DGKZ: variants seen among roughly 807,000 people sequenced by gnomAD.
DGKZ encodes DAG kinase zeta.
In DGKZ, 45 loss-of-function variants were observed where a neutral mutation model predicts 142.5. That is an observed-to-expected ratio of 0.32 (90% confidence interval 0.25 to 0.40). DGKZ has a LOEUF of 0.40. DGKZ is among the 10% of genes least tolerant of loss of function. DGKZ has a pLI of 1.00. For missense variants in DGKZ, 755 were observed against 1,306.5 expected (o/e 0.58, Z 6.51); for synonymous variants, 442 against 527.0 (o/e 0.84, Z 2.21).
chr11:46,377,496 C>G, intron 25 of DGKZ: 1 of 478,998 alleles, frequency 2.1e-6, no homozygotes, highest in East Asian at 3.6e-5. Flanking sequence ...CCCACCCCTA[C>G]TGCCACCAGC....
chr11:46,366,422 C>T (rs1174299492), intron 1 of DGKZ: 1 of 1,540,236 alleles, frequency 6.5e-7, no homozygotes, highest in Admixed American at 2.0e-5. Flanking sequence ...CAGCGCCCAG[C>T]TCCAGGGCTG....
At chr11:46,353,566 G>A (rs1941663290) in intron 1 of DGKZ, among the ~76,000 whole-genome samples, 1 of 152,224 alleles carries the variant, frequency 6.6e-6, no homozygotes, top group African/African-American at 2.4e-5. Flanking sequence ...CTGGCGTGGA[G>A]GACAAGTCTG....
At chr11:46,339,983 G>GGAGC (rs1940197595) in intron 1 of DGKZ, among the ~76,000 whole-genome samples, 1 of 152,236 alleles carries the variant, frequency 6.6e-6, no homozygotes, top group Admixed American at 6.5e-5. Context: ...TCGGCCTATA[G>GGAGC]ATGCCTGGAA....
chr11:46,345,193 C>T, upstream of DGKZ: 1 of 1,199,866 alleles, frequency 8.3e-7, no homozygotes, highest in Non-Finnish European at 1.1e-6. This position sits in a 1 kb window ranked among gnomAD's most constrained non-coding sequence, Gnocchi z 4.1. Context: ...AAGCAAGCCC[C>T]ATGGCTGCCT....
exon 1 of DGKZ, chr11:46,333,060 C>A (rs918617325): frequency 5.4e-6 from 2 of 373,270 alleles, no homozygotes; most frequent in Admixed American, 9.4e-5. Context: ...CCCCCGCCCC[C>A]CCGGAGCGCA....
intron 4 of DGKZ, 168 bp downstream of exon 4, chr11:46,368,247 T>A (rs1943551948): frequency 1.4e-6 from 1 of 729,416 alleles, no homozygotes. Context: ...GAATCCTGGC[T>A]CCTCACTGAT....
chr11:46,350,021 T>C (rs892824491), intron 1 of DGKZ, among the ~76,000 whole-genome samples: 2 of 151,878 alleles, frequency 1.3e-5, no homozygotes, highest in Admixed American at 1.3e-4. Context: ...CGCTGGGGAG[T>C]GTAAGTGCTC....
At chr11:46,378,415 C>T in intron 26 of DGKZ, 42 bp from the exon 27 acceptor site, 1 of 1,566,184 alleles carries the variant, frequency 6.4e-7, no homozygotes. Context: ...AACCCAAGCC[C>T]AGGCCTCCGA....
At chr11:46,370,728 G>A (rs537172290) in intron 6 of DGKZ, among the ~76,000 whole-genome samples, 41 of 152,280 alleles carry the variant, frequency 2.7e-4, no homozygotes, top group Admixed American at 5.9e-4. Flanking sequence ...GGGAGTCAGG[G>A]GGCCCGGGCT....
In DGKZ at chr11:46,366,356, C is replaced by T. The variant is rs376052908; in HGVS notation, c.162-935C>T. 2.1e-4 allele frequency: 328 copies of T among 1,531,268 alleles called. 3 individuals are homozygous for T. The South Asian group carries it at 2.6e-3, about 12-fold the overall frequency. The allele number at this position is 1,531,268 out of a possible 1,614,324, so 94.9% of individuals were successfully genotyped here. Reference sequence around the variant, plus strand: ...CGTGGGGCTGCCCACAGGCAAGGCCCGGCGTCGCTCCCCCGCTGGGCAGGC... The same window carrying T: ...CGTGGGGCTGCCCACAGGCAAGGCCTGGCGTCGCTCCCCCGCTGGGCAGGC... On this transcript the variant is annotated intron_variant, in intron 1 of 30. Transcript: ENST00000527911.
At chr11:46,362,081 C>T (rs1328351636) in intron 1 of DGKZ, 1 of 152,328 alleles carries the variant, frequency 6.6e-6, no homozygotes, top group Admixed American at 6.5e-5. Flanking sequence ...GCCTCCCTTC[C>T]AGCTTCCCCA....
rs1424168191 is a variant in DGKZ, at chr11:46,367,146, G to A, written c.162-145G>A. On this transcript the variant is annotated intron_variant, in intron 1 of 30. Coordinates refer to ENST00000527911, the Ensembl canonical transcript of DGKZ. The surrounding 1 kb of genome is among the most constrained non-coding windows in gnomAD (Gnocchi z 4.1). ...CCCAAAAGGCCATGTCTCTTGCAGGGAGCCTCTTAGTGTCTGGGGCTGCTG... is the reference window on the plus strand; with the variant it reads ...CCCAAAAGGCCATGTCTCTTGCAGGAAGCCTCTTAGTGTCTGGGGCTGCTG... 2.4e-6 allele frequency: 3 copies of A among 1,240,060 alleles called. No individual in the cohort carries two copies. The highest frequency in any genetic ancestry group is 1.5e-5 in the African/African-American group (1 of 66,784). The allele number at this position is 1,240,060 out of a possible 1,614,324, so 76.8% of individuals were successfully genotyped here.
intron 1 of DGKZ, among the ~76,000 whole-genome samples, chr11:46,351,571 G>A (rs930982019): frequency 2.6e-5 from 4 of 152,214 alleles, no homozygotes; most frequent in African/African-American, 9.6e-5. Flanking sequence ...TTGCAGAGGT[G>A]AGAACCCTGT....
chr11:46,346,247 A>AG (rs1940599776), upstream of DGKZ, among the ~76,000 whole-genome samples: 1 of 152,196 alleles, frequency 6.6e-6, no homozygotes, highest in Non-Finnish European at 1.5e-5. Flanking sequence ...AGAACCCAAG[A>AG]GGGGAGGATG....
intron 1 of DGKZ, among the ~76,000 whole-genome samples, chr11:46,357,697 G>A (rs1429001283): frequency 6.6e-6 from 1 of 152,258 alleles, no homozygotes; most frequent in Non-Finnish European, 1.5e-5. Context: ...TCGCGGTCTG[G>A]TGGAGGAGCA....
At chr11:46,378,939 G>T in intron 27 of DGKZ, 52 bp from the exon 28 acceptor site, 1 of 1,503,516 alleles carries the variant, frequency 6.7e-7, no homozygotes, top group South Asian at 1.3e-5. Context: ...TGAGCTCAGG[G>T]AAGGAGGGGT....
exon 19 of DGKZ, chr11:46,375,036 G>A (rs1944382792): frequency 2.5e-6 from 4 of 1,599,286 alleles, no homozygotes; most frequent in African/African-American, 1.3e-5. Context: ...GCTTCACCAT[G>A]ACGTCGTTGG....
chr11:46,341,799 G>A (rs1402005763), intron 1 of DGKZ, among the ~76,000 whole-genome samples: 1 of 152,192 alleles, frequency 6.6e-6, no homozygotes, highest in Non-Finnish European at 1.5e-5. Flanking sequence ...GGCCACATGT[G>A]AAGGGAATGC....
chr11:46,344,297 C>T (rs568319750), upstream of DGKZ, among the ~76,000 whole-genome samples: 85 of 152,216 alleles, frequency 5.6e-4, no homozygotes, highest in Non-Finnish European at 1.1e-3. Flanking sequence ...AATCTAAGCT[C>T]TGTGAGGACA....
Sources: gnomAD v4.1 joint callset for allele counts (sites outside exome capture counted in the v4.1 genomes callset) on GRCh38, gnomAD v4.1.1 for gene constraint, Gnocchi (gnomAD v3.1) non-coding constraint, MANE v1.5 for transcripts, NCBI Gene and HGNC (gene_info 2026-07-23, HGNC 2026-07-21) for gene names.